The following SIPA1L1 variants were observed in gnomAD, a reference collection of about 807,000 sequenced individuals.
SIPA1L1 encodes signal-induced proliferation-associated 1-like protein 1.
Under a neutral mutation model 162.7 loss-of-function variants are expected in SIPA1L1, and 26 were observed. The ratio of observed to expected loss-of-function variants is 0.16; its 90% confidence interval spans 0.12 to 0.22. SIPA1L1 has a LOEUF of 0.22. Among genes scored for constraint, SIPA1L1 ranks in the 10% least tolerant of loss-of-function variants. The pLI is 1.00. For synonymous variants in SIPA1L1, 829 were observed against 837.4 expected (o/e 0.99, Z 0.17); for missense variants, 1,874 against 2,241.0 (o/e 0.84, Z 3.31).
chr14:71,338,685 C>T (rs988911808), intron 2 of SIPA1L1, among the ~76,000 whole-genome samples: 20 of 152,074 alleles, frequency 1.3e-4, no homozygotes, highest in Admixed American at 1.0e-3. Context: ...TCTTTTAGTC[C>T]TGAGATCCTA....
rs545608471 is a variant in SIPA1L1, at chr14:71,533,370, G to A, written c.-303+4000G>A. Among the ~76,000 whole-genome samples the A allele has an allele frequency of 3.7e-4, 56 of 152,132 alleles. 1 individual carries two copies. The South Asian group carries it at 0.011, about 31-fold the overall frequency. Reference sequence around the variant, plus strand: ...TTCATTTTTTTCTGATAATTTATTAGGAGTCTTTACCAGCACTTCTTTCCC... The same window carrying A: ...TTCATTTTTTTCTGATAATTTATTAAGAGTCTTTACCAGCACTTCTTTCCC... On this transcript the variant is annotated intron_variant, in intron 4 of 23. Coordinates refer to ENST00000381232, the MANE Select transcript of SIPA1L1 (RefSeq NM_001386936.1).
In SIPA1L1 at chr14:71,632,458, CA is replaced by C. The variant is rs560269837; in HGVS notation, c.1818+8224del. The stretch of plus-strand genomic sequence containing the variant: ...GCACAGTACAAAAAGAAGCTAACAA[CA>C]ACAACAACAAAAAACCCACAGCCTT... On this transcript the variant is annotated intron_variant, in intron 7 of 23. Transcript: ENST00000381232. 3.1e-3 allele frequency among the ~76,000 whole-genome samples: 473 copies of C among 152,284 alleles called. 4 individuals are homozygous for C. Among genetic ancestry groups the C allele is most frequent in the African/African-American group, 0.011 (444 of 41,556 alleles).
intron 2 of SIPA1L1, among the ~76,000 whole-genome samples, chr14:71,414,549 A>G (rs192455286): frequency 1.4e-4 from 21 of 152,322 alleles, no homozygotes; most frequent in Non-Finnish European, 2.5e-4. Flanking sequence ...TTCTGAATTC[A>G]TTGTTGTCAT....
intron 2 of SIPA1L1, among the ~76,000 whole-genome samples, chr14:71,493,944 G>A (rs566841297): frequency 2.6e-5 from 4 of 152,294 alleles, no homozygotes; most frequent in South Asian, 4.1e-4. Flanking sequence ...AAGGGACTCC[G>A]TGGTTCAGTC....
In SIPA1L1 at chr14:71,385,594, A is replaced by G. The variant is rs573049282; in HGVS notation, c.-465+64413A>G. Among the ~76,000 whole-genome samples the G allele has an allele frequency of 2.0e-5, 3 of 151,980 alleles. No individual in the cohort carries two copies. In the South Asian group the frequency reaches 6.2e-4, roughly 32 times the overall value. ...GAAAAGTGAATTTAATTTTAATAAT[A>G]TATTTTATTTCATCTGATTTATGTG... On this transcript the variant is annotated intron_variant, in intron 2 of 23. Transcript: ENST00000381232.
At chr14:71,502,249 A>AT (rs1567114570) in intron 2 of SIPA1L1, among the ~76,000 whole-genome samples, 7 of 67,082 alleles carry the variant, frequency 1.0e-4, no homozygotes, top group East Asian at 5.2e-4. Context: ...CTTGAAAAAA[A>AT]AAAAAAATAT....
Position 71,564,490 on chromosome 14 carries a change from C to CTTTTTTTTTTTTTTTT in SIPA1L1, c.-302-23070_-302-23069insTTTTTTTTTTTTTTTT, listed in dbSNP as rs370431365. 3.6e-4 allele frequency among the ~76,000 whole-genome samples: 35 copies of CTTTTTTTTTTTTTTTT among 97,772 alleles called. 3 individuals carry two copies. Among genetic ancestry groups the CTTTTTTTTTTTTTTTT allele is most frequent in the South Asian group, 6.8e-4 (2 of 2,928 alleles). The allele number at this position is 97,772 out of a possible 152,430, so 64.1% of individuals were successfully genotyped here. A position where few individuals can be genotyped will look rare whatever the true frequency, so the allele number is the denominator to read the frequency against. ...ACTTCTTATCCTCGGCATTTTCTTT[C>CTTTTTTTTTTTTTTTT]TTTTTTTTTTTCCGAGACAGAGTCT... On this transcript the variant is annotated intron_variant, in intron 4 of 23. Coordinates refer to ENST00000381232, the MANE Select transcript of SIPA1L1 (RefSeq NM_001386936.1).
intron 2 of SIPA1L1, among the ~76,000 whole-genome samples, chr14:71,502,498 G>A (rs2050343302): frequency 6.6e-6 from 1 of 150,716 alleles, no homozygotes; most frequent in South Asian, 2.1e-4. Context: ...TGATCCACCC[G>A]GCTCAACCTC....
At chr14:71,505,179 G>A (rs2050558352) in intron 2 of SIPA1L1, among the ~76,000 whole-genome samples, 1 of 152,014 alleles carries the variant, frequency 6.6e-6, no homozygotes, top group Admixed American at 6.6e-5. Flanking sequence ...TCTTTGCCCA[G>A]GTGATCAACA....
chr14:71,683,803 G>A (rs982599148), intron 12 of SIPA1L1, among the ~76,000 whole-genome samples: 3 of 152,188 alleles, frequency 2.0e-5, no homozygotes, highest in Admixed American at 6.5e-5. Flanking sequence ...ATGTTTTACA[G>A]ACTGCAGACC....
chr14:71,334,528 G>A (rs938142226), intron 2 of SIPA1L1, among the ~76,000 whole-genome samples: 3 of 152,196 alleles, frequency 2.0e-5, no homozygotes, highest in Non-Finnish European at 2.9e-5. Context: ...GCTTCATTTT[G>A]TGTAGAACCA....
At chr14:71,440,646 C>CAAAAAAAA (rs397853535) in intron 2 of SIPA1L1, among the ~76,000 whole-genome samples, 4 of 55,664 alleles carry the variant, frequency 7.2e-5, no homozygotes, top group Non-Finnish European at 1.2e-4. Flanking sequence ...GAACCCATCT[C>CAAAAAAAA]AAAAAAAAAA....
At chr14:71,545,577 TTGTGTGTGTG>T (rs58582108) in intron 4 of SIPA1L1, among the ~76,000 whole-genome samples, 214 of 148,726 alleles carry the variant, frequency 1.4e-3, no homozygotes, top group Non-Finnish European at 2.5e-3. Flanking sequence ...TAGTTCTAAT[TTGTGTGTGTG>T]TGTGTGTGTG....
intron 17 of SIPA1L1, among the ~76,000 whole-genome samples, chr14:71,712,933 T>C (rs1246302134): frequency 1.3e-5 from 2 of 152,194 alleles, no homozygotes; most frequent in East Asian, 1.9e-4. Context: ...CGATCACATA[T>C]ACCTTTTTAC....
intron 22 of SIPA1L1, among the ~76,000 whole-genome samples, chr14:71,737,474 A>G (rs977663212): frequency 6.6e-6 from 1 of 152,024 alleles, no homozygotes. Flanking sequence ...AGAGTGTGGC[A>G]AGAAAAGTTG....
chr14:71,502,253 A>ATATATATATATATATAT (rs1555440974), intron 2 of SIPA1L1, among the ~76,000 whole-genome samples: 77 of 89,846 alleles, frequency 8.6e-4, no homozygotes, highest in African/African-American at 3.2e-3. Context: ...AAAAAAAAAA[A>ATATATATATATATATAT]AAATATATAT....
chr14:71,642,328 A>G (rs2041796893), intron 7 of SIPA1L1, among the ~76,000 whole-genome samples: 1 of 152,162 alleles, frequency 6.6e-6, no homozygotes, highest in South Asian at 2.1e-4. Context: ...ATGTGAGTCC[A>G]GGGAGGCTAG....
At chr14:71,634,352 A>G (rs1310805789) in intron 7 of SIPA1L1, among the ~76,000 whole-genome samples, 1 of 151,218 alleles carries the variant, frequency 6.6e-6, no homozygotes. Flanking sequence ...TAGTGAGCCA[A>G]GATCACGCCA....
At chr14:71,390,035 G>T (rs1286216891) in intron 2 of SIPA1L1, among the ~76,000 whole-genome samples, 1 of 152,160 alleles carries the variant, frequency 6.6e-6, no homozygotes, top group African/African-American at 2.4e-5. Context: ...GAAGACTGGG[G>T]TAGGATGATA....
Sources: gnomAD v4.1 joint callset for allele counts (sites outside exome capture counted in the v4.1 genomes callset) on GRCh38, gnomAD v4.1.1 for gene constraint, MANE v1.5 for transcripts, NCBI Gene and HGNC (gene_info 2026-07-23, HGNC 2026-07-21) for gene names.